The following DCHS1 variants were observed in gnomAD, a reference collection of about 807,000 sequenced individuals.
DCHS1 encodes protocadherin-16.
A neutral mutation model predicts 213.9 loss-of-function variants in DCHS1; 78 were observed. The ratio of observed to expected loss-of-function variants is 0.36; its 90% confidence interval spans 0.30 to 0.44. The LOEUF is 0.44. DCHS1 is among the 20% of genes least tolerant of loss of function. DCHS1 has a pLI of 1.00. For synonymous variants in DCHS1, 1,828 were observed against 1,873.7 expected (o/e 0.98, Z 0.63); for missense variants, 3,946 against 4,395.9 (o/e 0.90, Z 2.89).
Position 6,625,427 on chromosome 11 carries a change from C to T in DCHS1, c.6917G>A (p.Gly2306Glu). 6.2e-7 allele frequency: 1 copy of T among 1,603,158 alleles called. No individual in the cohort carries two copies. The highest frequency in any genetic ancestry group is 1.3e-5 in the African/African-American group (1 of 74,580). ...GCTTAGCACATACCACAGCACGGGT[C>T]CTGAGTCCACATCATTCCCTGTTAC... ...AQVTGNDVDS[G>E]PVLWYVLSPS... The change falls in exon 19 of 21, where the codon GGA becomes GAA. Residue 2306 changes from glycine (G) to glutamate (E), a missense_variant. Physicochemically the swap from Gly to Glu is moderately conservative, Grantham distance 98. Coordinates refer to ENST00000299441, the MANE Select transcript of DCHS1 (RefSeq NM_003737.4). The surrounding 1 kb of genome is among the most constrained non-coding windows in gnomAD (Gnocchi z 5.3).
At position 6,625,909 on chromosome 11, in the gene DCHS1, C is replaced by T. The variant is rs922568940; in HGVS notation, c.6731+11G>A. 2.5e-6 allele frequency: 4 copies of T among 1,611,568 alleles called. No individual in the cohort carries two copies. The highest frequency in any genetic ancestry group is 2.2e-5 in the East Asian group (1 of 44,814). ...AAGATGGGGTCTTGGGTCCACAGGG[C>T]CAGGCCTCACCGTGTTTCAGCCCAG... On this transcript the variant is annotated intron_variant, in intron 17 of 20. Coordinates refer to ENST00000299441, the MANE Select transcript of DCHS1 (RefSeq NM_003737.4). This position sits in a 1 kb window ranked among gnomAD's most constrained non-coding sequence, Gnocchi z 5.3.
At chr11:6,642,684 T>C (rs1392095974) in intron 1 of DCHS1, among the ~76,000 whole-genome samples, 2 of 151,884 alleles carry the variant, frequency 1.3e-5, no homozygotes, top group African/African-American at 4.8e-5. Flanking sequence ...GCAGAGGGTA[T>C]GAAATGAGAC....
In DCHS1 at chr11:6,625,364, T is replaced by C. The variant is rs369945823; in HGVS notation, c.6980A>G (p.Tyr2327Cys). Residue 2327 changes from tyrosine to cysteine, a missense_variant, in exon 19 of 21, where the codon TAT becomes TGT. Physicochemically the swap from Tyr to Cys is radical, Grantham distance 194. Around this residue, in one of 3 missense-constraint regions of DCHS1, gnomAD observed 3,384 missense variants for 3,780.1 expected, o/e 0.90. Coordinates refer to ENST00000299441, the MANE Select transcript of DCHS1 (RefSeq NM_003737.4). The surrounding 1 kb of genome is among the most constrained non-coding windows in gnomAD (Gnocchi z 5.3). ...GPQDPFSVGR[Y>C]GGRVSLTGPL... ...CCCCGTGAGGGAGACACGGCCTCCA[T>C]AGCGGCCAACACTGAAGGGATCCTG... 4.3e-6 allele frequency: 7 copies of C among 1,613,430 alleles called. No individual in the cohort carries two copies. In the African/African-American group the frequency reaches 6.7e-5, roughly 15 times the overall value.
Position 6,621,562 on chromosome 11 carries a change from C to T in DCHS1, c.*217G>A. 1 of 698,326 alleles carries T rather than the reference C, an allele frequency of 1.4e-6. No individual in the cohort carries two copies. The allele number at this position is 698,326 out of a possible 1,614,324, so 43.3% of individuals were successfully genotyped here. ...CAGGGCTGCTACCTCCTTCATATTT[C>T]TCCCCACATTGGACCTGGTCACAGG... On this transcript the variant is annotated 3_prime_UTR_variant, in exon 21 of 21. Transcript: ENST00000299441.
Position 6,623,384 on chromosome 11 carries a change from T to G in DCHS1, c.8292A>C (p.Thr2764=), listed in dbSNP as rs763012228. 6.3e-7 allele frequency: 1 copy of G among 1,597,838 alleles called. No homozygotes were observed. Among genetic ancestry groups the G allele is most frequent in the African/African-American group, 1.3e-5 (1 of 74,488 alleles). ...GREAFALNSS[T]GELRARVPFD... ...AGGGCACTCGCGCACGCAACTCCCCTGTTGAGCTGTTCAGTGCAAATGCCT... is the reference window on the plus strand; with the variant it reads ...AGGGCACTCGCGCACGCAACTCCCCGGTTGAGCTGTTCAGTGCAAATGCCT... Residue 2764 remains threonine, a synonymous_variant, in exon 21 of 21, where the codon ACA becomes ACC. Transcript: ENST00000299441.
Position 6,622,064 on chromosome 11 carries a change from G to A in DCHS1, c.9612C>T (p.Leu3204=). The A allele has an allele frequency of 1.2e-6, 2 of 1,612,534 alleles. No individual in the cohort carries two copies. The highest frequency in any genetic ancestry group is 1.1e-5 in the South Asian group (1 of 91,046). The stretch of plus-strand genomic sequence containing the variant: ...CTCCTGGGTGGGCCACGGCAGTGAT[G>A]AGGGGTGGTGGGTCGATACGGGGAG... The part of the protein sequence containing the change: ...PPAPRIDPPP[L]ITAVAHPGAK... Residue 3204 remains leucine, a synonymous_variant, in exon 21 of 21, where the codon CTC becomes CTT. Coordinates refer to ENST00000299441, the MANE Select transcript of DCHS1 (RefSeq NM_003737.4). This position sits in a 1 kb window ranked among gnomAD's most constrained non-coding sequence, Gnocchi z 5.4.
At chr11:6,644,146 C>T (rs1400097150) in intron 1 of DCHS1, among the ~76,000 whole-genome samples, 1 of 152,196 alleles carries the variant, frequency 6.6e-6, no homozygotes, top group African/African-American at 2.4e-5. Flanking sequence ...CAAACCACTC[C>T]TGATGAAAGG....
At position 6,621,855 on chromosome 11, in the gene DCHS1, G is replaced by A. The variant is rs1439232549; in HGVS notation, c.9821C>T (p.Ala3274Val). 1 of 1,611,236 alleles carries A rather than the reference G, an allele frequency of 6.2e-7. No homozygotes were observed. The highest frequency in any genetic ancestry group is 8.5e-7 in the Non-Finnish European group (1 of 1,178,826). ...RSPVVSPFGV[A>V]QGPSASALSA... ...GAGTGCTGAGGCTGAGGGACCCTGG[G>A]CCACCCCAAATGGTGAGACAACGGG... The change falls in exon 21 of 21, where the codon GCC becomes GTC. Residue 3274 changes from alanine (A) to valine (V), a missense_variant. Transcript: ENST00000299441.
chr11:6,636,623 C>T (rs1240850307), intron 2 of DCHS1, among the ~76,000 whole-genome samples: 1 of 152,156 alleles, frequency 6.6e-6, no homozygotes, highest in Non-Finnish European at 1.5e-5. Context: ...TACAGGGATG[C>T]ATCACCATGC....
chr11:6,649,170 G>C (rs752757604), intron 1 of DCHS1, among the ~76,000 whole-genome samples: 1 of 151,088 alleles, frequency 6.6e-6, no homozygotes, highest in Admixed American at 6.6e-5. Context: ...GAAACTGAGG[G>C]CTCAAAGAAG....
Position 6,631,769 on chromosome 11 carries a change from C to T in DCHS1, c.3522G>A (p.Gln1174=). 6.3e-7 allele frequency: 1 copy of T among 1,580,792 alleles called. No homozygotes were observed. Among genetic ancestry groups the T allele is most frequent in the Middle Eastern group, 1.7e-4 (1 of 5,914 alleles). ...TTLQTLDREQ[Q]SSYQLLVQVQ... ...CCTGCACCAGGAGCTGATAGCTGCT[C>T]TGCTGCTCACGGTCCAGGGTTTGGA... The change falls in exon 7 of 21, where the codon CAG becomes CAA. Residue 1174 remains glutamine (Q), a synonymous_variant. Transcript: ENST00000299441.
At position 6,640,093 on chromosome 11, in the gene DCHS1, C is replaced by G. The variant is rs748736655; in HGVS notation, c.1521G>C (p.Gln507His). 8.3e-5 allele frequency: 134 copies of G among 1,613,692 alleles called. No homozygotes were observed. The highest frequency in any genetic ancestry group is 1.1e-4 in the Non-Finnish European group (131 of 1,179,820). ...CGCCAGGGGCTAGGCTATAAGTGAC[C>G]TGACCATTGGTGCCTTGGTCAGGAT... is the stretch of plus-strand genomic sequence containing the variant. ...ARDPDQGTNGQVTYSLAPGAH... is the reference protein window; with the variant it reads ...ARDPDQGTNGHVTYSLAPGAH... Residue 507 changes from glutamine to histidine, a missense_variant, in exon 2 of 21, where the codon CAG becomes CAC. Physicochemically the swap from Gln to His is conservative, Grantham distance 24. Transcript: ENST00000299441. The surrounding 1 kb of genome is among the most constrained non-coding windows in gnomAD (Gnocchi z 6.5).
Position 6,640,143 on chromosome 11 carries a change from A to G in DCHS1, c.1471T>C (p.Phe491Leu). The G allele has an allele frequency of 6.2e-7, 1 of 1,613,772 alleles. No homozygotes were observed. Among genetic ancestry groups the G allele is most frequent in the Non-Finnish European group, 8.5e-7 (1 of 1,179,800 alleles). ...TCCCGAGCAGTCACCCGCACTACAAAGCTGCCAGGCAGCGCAACCTCAGGC... is the reference window on the plus strand; with the variant it reads ...TCCCGAGCAGTCACCCGCACTACAAGGCTGCCAGGCAGCGCAACCTCAGGC... ...PLPEVALPGS[F>L]VVRVTARDPD... is the part of the protein sequence containing the mutation. Residue 491 changes from phenylalanine (F) to leucine (L), a missense_variant, in exon 2 of 21, where the codon TTT becomes CTT. Phe to Leu is a conservative substitution (Grantham distance 22). Coordinates refer to ENST00000299441, the MANE Select transcript of DCHS1 (RefSeq NM_003737.4). This position sits in a 1 kb window ranked among gnomAD's most constrained non-coding sequence, Gnocchi z 6.5.
chr11:6,648,623 T>C (rs1301334141), intron 1 of DCHS1, among the ~76,000 whole-genome samples: 2 of 152,092 alleles, frequency 1.3e-5, no homozygotes, highest in Non-Finnish European at 2.9e-5. Flanking sequence ...GGAGACAATA[T>C]ATCATAGCAA....
At chr11:6,624,452 T>C in intron 20 of DCHS1, 62 bp from the exon 21 acceptor site, 2 of 1,470,168 alleles carry the variant, frequency 1.4e-6, no homozygotes, top group South Asian at 2.7e-5. Context: ...AACAGAAGAG[T>C]GACCCTTCAG....
chr11:6,629,360 C>A, intron 12 of DCHS1, 92 bp downstream of exon 12: 2 of 1,504,022 alleles, frequency 1.3e-6, no homozygotes, highest in Non-Finnish European at 1.8e-6. Flanking sequence ...TAGGCAAAAA[C>A]TTCTAAAAGG....
chr11:6,628,698 T>C lies in DCHS1; in HGVS notation c.5294A>G (p.Asp1765Gly), dbSNP rs1564862492. ...HLSLEVPEGQ[D>G]PQTLTMLRAS... ...CCGAAGCATGGTAAGGGTCTGGGGGTCCTGGCCCTCAGGCACCTCCAGAGA... is the reference window on the plus strand; with the variant it reads ...CCGAAGCATGGTAAGGGTCTGGGGGCCCTGGCCCTCAGGCACCTCCAGAGA... Residue 1765 changes from aspartate to glycine, a missense_variant, in exon 13 of 21, where the codon GAC (aspartate) becomes GGC (glycine). Physicochemically the swap from Asp to Gly is moderately conservative, Grantham distance 94 (BLOSUM62 -1). This residue lies in a region of DCHS1 where 3,384 missense variants were observed against 3,780.1 expected (regional missense o/e 0.90). Coordinates refer to ENST00000299441, the MANE Select transcript of DCHS1 (RefSeq NM_003737.4). This position sits in a 1 kb window ranked among gnomAD's most constrained non-coding sequence, Gnocchi z 4.3. The C allele has an allele frequency of 1.9e-6, 3 of 1,613,860 alleles. No individual in the cohort carries two copies. The Admixed American group carries it at 5.0e-5, about 27-fold the overall frequency.
Position 6,624,302 on chromosome 11 carries a change from C to T in DCHS1, c.7374G>A (p.Gly2458=), listed in dbSNP as rs1045138602. 6.3e-7 allele frequency: 1 copy of T among 1,589,808 alleles called. No individual in the cohort carries two copies. Among genetic ancestry groups the T allele is most frequent in the Admixed American group, 1.8e-5 (1 of 55,546 alleles). ...VDVVLEARDH[G]APGRAARATV... ...TGGCTCGTGCTGCCCGGCCTGGAGCCCCGTGGTCTCGTGCTTCCAGCACCA... is the reference window on the plus strand; with the variant it reads ...TGGCTCGTGCTGCCCGGCCTGGAGCTCCGTGGTCTCGTGCTTCCAGCACCA... The change falls in exon 21 of 21, where the codon GGG becomes GGA. Residue 2458 remains glycine (G), a synonymous_variant. Transcript: ENST00000299441.
Position 6,626,937 on chromosome 11 carries a change from A to C in DCHS1, c.6102T>G (p.Arg2034=). The C allele has an allele frequency of 1.2e-6, 2 of 1,613,418 alleles. No individual in the cohort carries two copies. Among genetic ancestry groups the C allele is most frequent in the Non-Finnish European group, 1.7e-6 (2 of 1,179,810 alleles). ...RSPVALGPRD[R]VLFIVATDLG... is the part of the protein sequence containing the mutation. ...GATCAGTGGCCACAATGAAGAGGACACGATCTCGGGGGCCTAGAGCTACAG... is the reference window on the plus strand; with the variant it reads ...GATCAGTGGCCACAATGAAGAGGACCCGATCTCGGGGGCCTAGAGCTACAG... Residue 2034 remains arginine (R), a synonymous_variant, in exon 14 of 21, where the codon CGT becomes CGG. Transcript: ENST00000299441. This position sits in a 1 kb window ranked among gnomAD's most constrained non-coding sequence, Gnocchi z 5.2.
Sources: gnomAD v4.1 joint callset for allele counts (sites outside exome capture counted in the v4.1 genomes callset) on GRCh38, gnomAD v4.1.1 for gene constraint, gnomAD v4.1.1 regional missense constraint, Gnocchi (gnomAD v3.1) non-coding constraint, MANE v1.5 for transcripts, NCBI Gene and HGNC (gene_info 2026-07-23, HGNC 2026-07-21) for gene names.